Variants in CNTN4 observed in about 807,000 individuals in gnomAD.
CNTN4 encodes the protein contactin 4.
Under a neutral mutation model 122.5 loss-of-function variants are expected in CNTN4, and 77 were observed. That is an observed-to-expected ratio of 0.63 (90% CI 0.52 to 0.76). The LOEUF (loss-of-function observed/expected upper bound fraction) is 0.76. CNTN4 is among the 30% of genes least tolerant of loss of function. The pLI, the probability that CNTN4 is intolerant of heterozygous loss-of-function variation, is 0.00. For synonymous variants in CNTN4, 512 were observed against 447.0 expected (o/e 1.15, Z -1.83); for missense variants, 1,256 against 1,259.1 (o/e 1.00, Z 0.04).
chr3:2,958,651 G>A (rs965590486), intron 13 of CNTN4, among the ~76,000 whole-genome samples: 4 of 152,116 alleles, frequency 2.6e-5, no homozygotes, highest in African/African-American at 9.7e-5. Flanking sequence ...CCCTTAAGTA[G>A]CAGTAAAATC....
intron 6 of CNTN4, among the ~76,000 whole-genome samples, chr3:2,749,543 G>A (rs957647083): frequency 4.6e-5 from 7 of 152,028 alleles, no homozygotes; most frequent in African/African-American, 1.4e-4. Context: ...ATGGCAGAAC[G>A]TATATTTTAA....
At chr3:2,462,035 A>G (rs982157917) in intron 3 of CNTN4, among the ~76,000 whole-genome samples, 4 of 152,164 alleles carry the variant, frequency 2.6e-5, no homozygotes, top group Admixed American at 1.3e-4. Context: ...GGAGACCTTT[A>G]TATAATCTAG....
intron 3 of CNTN4, among the ~76,000 whole-genome samples, chr3:2,404,544 C>G (rs532683879): frequency 1.3e-5 from 2 of 152,292 alleles, no homozygotes; most frequent in Admixed American, 1.3e-4. Context: ...GCCTCACCTT[C>G]TCCTCCACAT....
intron 2 of CNTN4, among the ~76,000 whole-genome samples, chr3:2,154,390 A>AAT (rs931644426): frequency 1.3e-5 from 2 of 152,010 alleles, no homozygotes; most frequent in South Asian, 2.1e-4. Context: ...AAAAAAAAAA[A>AAT]AAATAAAAGT....
At chr3:2,851,676 A>G (rs1034389739) in intron 7 of CNTN4, among the ~76,000 whole-genome samples, 1 of 152,152 alleles carries the variant, frequency 6.6e-6, no homozygotes, top group Non-Finnish European at 1.5e-5. Context: ...CCTTCTTTAC[A>G]TGTGAGAAAA....
chr3:2,755,596 A>G (rs767683930), intron 6 of CNTN4, among the ~76,000 whole-genome samples: 28 of 152,210 alleles, frequency 1.8e-4, no homozygotes, highest in Non-Finnish European at 1.5e-5. Context: ...AAATCTTAGG[A>G]GCTATTAAAG....
At chr3:2,546,341 C>CAAGATA (rs2149330188) in intron 3 of CNTN4, among the ~76,000 whole-genome samples, 1 of 144,726 alleles carries the variant, frequency 6.9e-6, no homozygotes, top group South Asian at 2.2e-4. Flanking sequence ...AAAAAAAGAA[C>CAAGATA]AAGATAATGT....
intron 4 of CNTN4, among the ~76,000 whole-genome samples, chr3:2,586,201 C>T (rs995584143): frequency 6.6e-6 from 1 of 152,136 alleles, no homozygotes; most frequent in East Asian, 1.9e-4. Context: ...CTACTTTGTC[C>T]TAGTCAACCT....
chr3:3,043,505 C>T (rs1700348975), intron 22 of CNTN4, 87 bp from the exon 23 acceptor site: 1 of 1,013,290 alleles, frequency 9.9e-7, no homozygotes, highest in African/African-American at 1.6e-5. Context: ...AAATTGCCTC[C>T]ACTCTCGAAT....
chr3:2,497,007 G>A (rs770530158), intron 3 of CNTN4, among the ~76,000 whole-genome samples: 2 of 152,096 alleles, frequency 1.3e-5, no homozygotes, highest in Non-Finnish European at 1.5e-5. Context: ...CAGCCTTTTT[G>A]TTCTGTCTGG....
At chr3:2,450,186 C>T (rs1214686751) in intron 3 of CNTN4, among the ~76,000 whole-genome samples, 3 of 151,868 alleles carry the variant, frequency 2.0e-5, no homozygotes, top group Non-Finnish European at 4.4e-5. Flanking sequence ...GGCAATATGA[C>T]AAAAATCCAA....
At chr3:2,987,359 T>C (rs576819649) in intron 13 of CNTN4, among the ~76,000 whole-genome samples, 2 of 152,286 alleles carry the variant, frequency 1.3e-5, no homozygotes, top group East Asian at 3.9e-4. Context: ...GAGAGTGATA[T>C]AATCGGATTT....
At chr3:2,949,435 T>A (rs980667090) in intron 13 of CNTN4, among the ~76,000 whole-genome samples, 2 of 152,174 alleles carry the variant, frequency 1.3e-5, no homozygotes, top group Non-Finnish European at 2.9e-5. Context: ...TAGCGATGCT[T>A]TCAGGAAGGG....
At chr3:2,698,233 G>T (rs796792081) in intron 4 of CNTN4, among the ~76,000 whole-genome samples, 5 of 152,224 alleles carry the variant, frequency 3.3e-5, no homozygotes, top group African/African-American at 9.6e-5. Context: ...TGTAAATAAG[G>T]AATATCTTTT....
At chr3:2,997,799 A>T (rs935869273) in intron 14 of CNTN4, among the ~76,000 whole-genome samples, 5 of 152,216 alleles carry the variant, frequency 3.3e-5, no homozygotes, top group Non-Finnish European at 7.3e-5. Context: ...ATGTAAGCAG[A>T]ACATTTAGAG....
At chr3:2,958,274 G>C (rs1284519768) in intron 13 of CNTN4, among the ~76,000 whole-genome samples, 1 of 152,094 alleles carries the variant, frequency 6.6e-6, no homozygotes, top group African/African-American at 2.4e-5. Flanking sequence ...ATTTCATATG[G>C]TACATTAATA....
intron 3 of CNTN4, among the ~76,000 whole-genome samples, chr3:2,507,634 C>G (rs1490001028): frequency 1.3e-5 from 2 of 150,766 alleles, no homozygotes; most frequent in Non-Finnish European, 2.9e-5. Flanking sequence ...ACTCGGGAGG[C>G]TGAGGCAGGA....
At chr3:2,799,403 T>G (rs1202044554) in intron 6 of CNTN4, among the ~76,000 whole-genome samples, 1 of 152,214 alleles carries the variant, frequency 6.6e-6, no homozygotes, top group Non-Finnish European at 1.5e-5. Context: ...ATGGATTGTT[T>G]GCATAGGCCA....
chr3:2,997,411 G>T (rs758663304), intron 14 of CNTN4, among the ~76,000 whole-genome samples: 4 of 152,220 alleles, frequency 2.6e-5, no homozygotes, highest in Non-Finnish European at 5.9e-5. Flanking sequence ...GAAAGGGAAA[G>T]CTTGGTTTCT....
Sources: allele counts gnomAD v4.1 joint callset (sites outside exome capture counted in the v4.1 genomes callset), GRCh38; gene constraint gnomAD v4.1.1; transcripts MANE v1.5; gene names NCBI Gene and HGNC (gene_info 2026-07-23, HGNC 2026-07-21).